The following HERC1 variants were observed in gnomAD, a reference collection of about 807,000 sequenced individuals.
HERC1 encodes the protein probable E3 ubiquitin-protein ligase HERC1.
A neutral mutation model predicts 554.3 loss-of-function variants in HERC1; 160 were observed. That is an observed-to-expected ratio of 0.29 (90% CI 0.25 to 0.33). HERC1 has a LOEUF of 0.33. Among genes scored for constraint, HERC1 ranks in the 10% least tolerant of loss-of-function variants. The pLI is 1.00. For synonymous variants in HERC1, 2,175 were observed against 2,131.7 expected, an observed-to-expected ratio of 1.02 and a Z score of -0.56; for missense variants, 4,919 against 5,918.5, an observed-to-expected ratio of 0.83 and a Z score of 5.54.
At chr15:63,645,194 G>T in intron 56 of HERC1, 97 bp from the exon 57 acceptor site, 1 of 914,628 alleles carries the variant, frequency 1.1e-6, no homozygotes, top group Non-Finnish European at 1.8e-6. Context: ...TAGAACCACT[G>T]CATTATTTTT....
chr15:63,738,100 T>C (rs2074626557), intron 12 of HERC1, among the ~76,000 whole-genome samples: 1 of 152,214 alleles, frequency 6.6e-6, no homozygotes, highest in South Asian at 2.1e-4. Context: ...ATAAGATATA[T>C]GGACATCATT....
intron 1 of HERC1, among the ~76,000 whole-genome samples, chr15:63,825,301 AAAAT>A (rs532310070): frequency 5.4e-4 from 83 of 152,344 alleles, no homozygotes; most frequent in African/African-American, 1.9e-3. Context: ...TCTGTCTCAA[AAAAT>A]AAATAAAGTT....
At chr15:63,824,697 C>T (rs1437496830) in intron 1 of HERC1, among the ~76,000 whole-genome samples, 1 of 152,084 alleles carries the variant, frequency 6.6e-6, no homozygotes, top group Non-Finnish European at 1.5e-5. Context: ...CCAACCTACA[C>T]GTCTGTCAGT....
intron 74 of HERC1, among the ~76,000 whole-genome samples, chr15:63,621,319 GC>G (rs1011713559): frequency 1.3e-5 from 2 of 152,086 alleles, no homozygotes; most frequent in Admixed American, 1.3e-4. Context: ...TTGAATATTG[GC>G]CCCCACTCTC....
Position 63,658,702 on chromosome 15 carries a change from T to C in HERC1, c.9441A>G (p.Val3147=), listed in dbSNP as rs1158546564. The C allele has an allele frequency of 1.9e-6, 3 of 1,611,792 alleles. No homozygotes were observed. Among genetic ancestry groups the C allele is most frequent in the South Asian group, 1.1e-5 (1 of 90,838 alleles). ...TLMQIGCHGS[V]EKSSSGRITL... ...TTATTCTCCCAGAGGAGCTCTTTTCTACGGAGCCATGGCAACCTGAAAAAC... is the reference window on the plus strand; with the variant it reads ...TTATTCTCCCAGAGGAGCTCTTTTCCACGGAGCCATGGCAACCTGAAAAAC... The change falls in exon 48 of 78, where the codon GTA becomes GTG. Residue 3147 remains valine (V), a synonymous_variant. Transcript: ENST00000443617.
chr15:63,746,773 C>T (rs2075070159), intron 12 of HERC1, 145 bp downstream of exon 12: 2 of 702,936 alleles, frequency 2.8e-6, no homozygotes, highest in East Asian at 2.9e-5. Flanking sequence ...ATGAGTTAAC[C>T]AAAAATACTC....
At chr15:63,766,412 A>ATC (rs2075778958) in intron 2 of HERC1, among the ~76,000 whole-genome samples, 1 of 152,048 alleles carries the variant, frequency 6.6e-6, no homozygotes, top group African/African-American at 2.4e-5. Flanking sequence ...ACATGGTAAA[A>ATC]CCTTGTCTCT....
At chr15:63,813,486 A>G (rs1477569720) in intron 1 of HERC1, among the ~76,000 whole-genome samples, 1 of 152,018 alleles carries the variant, frequency 6.6e-6, no homozygotes, top group African/African-American at 2.4e-5. Flanking sequence ...TTTTTTTTTA[A>G]TATCAACCCA....
intron 60 of HERC1, among the ~76,000 whole-genome samples, chr15:63,640,678 A>C (rs780364110): frequency 2.0e-4 from 31 of 152,186 alleles, no homozygotes; most frequent in Middle Eastern, 3.2e-3. Flanking sequence ...TGGCACATTT[A>C]TCAAAACTAA....
intron 54 of HERC1, among the ~76,000 whole-genome samples, chr15:63,649,402 A>G (rs1244932205): frequency 6.6e-6 from 1 of 152,118 alleles, no homozygotes; most frequent in African/African-American, 2.4e-5. Flanking sequence ...CATCTCTACC[A>G]ATGATTATGA....
chr15:63,833,732 G>A, intron 1 of HERC1, 95 bp downstream of exon 1: 1 of 141,768 alleles, frequency 7.1e-6, no homozygotes, highest in Non-Finnish European at 1.5e-5. Context: ...TGCGCGGCCG[G>A]CAAAGCACAC....
At chr15:63,743,269 T>TC (rs1049230780) in intron 12 of HERC1, among the ~76,000 whole-genome samples, 9 of 144,794 alleles carry the variant, frequency 6.2e-5, no homozygotes, top group African/African-American at 2.0e-4. Flanking sequence ...TTTTCTTTTT[T>TC]TTTTTTTTTT....
chr15:63,736,185 T>A (rs1461535668), intron 12 of HERC1, among the ~76,000 whole-genome samples: 1 of 152,106 alleles, frequency 6.6e-6, no homozygotes, highest in Non-Finnish European at 1.5e-5. Context: ...CAAAAAACAC[T>A]TTGATTTGTA....
At position 63,678,332 on chromosome 15, in the gene HERC1, G is replaced by A. The variant is rs1314758261; in HGVS notation, c.6583C>T (p.Pro2195Ser). The A allele has an allele frequency of 6.2e-7, 1 of 1,610,144 alleles. No individual in the cohort carries two copies. Among genetic ancestry groups the A allele is most frequent in the African/African-American group, 1.3e-5 (1 of 74,710 alleles). The change falls in exon 37 of 78, where the codon CCC becomes TCC. Residue 2195 changes from proline to serine, a missense_variant. Pro to Ser is a moderately conservative substitution (Grantham distance 74). Around this residue, in one of 11 missense-constraint regions of HERC1, gnomAD observed 1,963 missense variants for 2,228.6 expected, o/e 0.88. Transcript: ENST00000443617. ...KICDMQMRGT[P>S]RDLLPGDPIC... is the part of the protein sequence containing the mutation. Reference sequence around the variant, plus strand: ...GGGTCTCCTGGAAGTAAGTCTCGGGGTGTGCCACGCATCTGCATATCACAA... The same window carrying A: ...GGGTCTCCTGGAAGTAAGTCTCGGGATGTGCCACGCATCTGCATATCACAA...
At chr15:63,636,204 A>C (rs2068769698) in intron 64 of HERC1, 62 bp from the exon 65 acceptor site, 1 of 1,436,774 alleles carries the variant, frequency 7.0e-7, no homozygotes, top group Non-Finnish European at 9.6e-7. Flanking sequence ...CTTTACTTGC[A>C]GCTGCTACTG....
In HERC1 at chr15:63,672,532, G is replaced by A; in HGVS notation, c.8009C>T (p.Ser2670Phe). 6.2e-7 allele frequency: 1 copy of A among 1,606,066 alleles called. No homozygotes were observed. The highest frequency in any genetic ancestry group is 8.5e-7 in the Non-Finnish European group (1 of 1,176,144). ...PVTDTETVPA[S>F]ESPGVMPLSL... ...AAGAGGCATCACTCCCGGGGACTCG[G>A]ATGCAGGCACTGTTTCTGTGTCAGT... The change falls in exon 39 of 78, where the codon TCC (serine) becomes TTC (phenylalanine). Residue 2670 changes from serine to phenylalanine, a missense_variant. Physicochemically the swap from Ser to Phe is radical, Grantham distance 155 (BLOSUM62 -2). This residue lies in a region of HERC1 where 1,963 missense variants were observed against 2,228.6 expected (regional missense o/e 0.88). Coordinates refer to ENST00000443617, the MANE Select transcript of HERC1 (RefSeq NM_003922.4).
At chr15:63,641,397 A>G in intron 60 of HERC1, 73 bp downstream of exon 60, 1 of 1,273,930 alleles carries the variant, frequency 7.8e-7, no homozygotes, top group Non-Finnish European at 1.1e-6. Flanking sequence ...TTTAAGGGAT[A>G]AGTTCAAGGC....
intron 56 of HERC1, 123 bp downstream of exon 56, chr15:63,645,359 AC>A (rs2152858491): frequency 3.3e-5 from 24 of 726,798 alleles, no homozygotes; most frequent in Non-Finnish European, 5.2e-5. Context: ...TTATAATGTT[AC>A]ACATTATAAG....
rs529004080 is a variant in HERC1, at chr15:63,829,934, C to T, written c.-27+3893G>A. 1.9e-4 allele frequency among the ~76,000 whole-genome samples: 29 copies of T among 152,026 alleles called. No individual in the cohort carries two copies. In the South Asian group the frequency reaches 6.0e-3, roughly 32 times the overall value. ...AGAAAATAGAGATCCCATAAGAACA[C>T]ACTAATATAAACAAATAATTGAATA... On this transcript the variant is annotated intron_variant, in intron 1 of 77. Transcript: ENST00000443617.
Sources: allele counts gnomAD v4.1 joint callset (sites outside exome capture counted in the v4.1 genomes callset), GRCh38; gene constraint gnomAD v4.1.1; regional missense constraint gnomAD v4.1.1; transcripts MANE v1.5; gene names NCBI Gene and HGNC (gene_info 2026-07-23, HGNC 2026-07-21).